The following DAB1 variants were observed in gnomAD, a reference collection of about 807,000 sequenced individuals.
DAB1 encodes the protein DAB adaptor protein 1, also known as disabled homolog 1.
In DAB1, 15 loss-of-function variants were observed where a neutral mutation model predicts 64.6. The ratio of observed to expected loss-of-function variants is 0.23; its 90% CI spans 0.16 to 0.36. The LOEUF (loss-of-function observed/expected upper bound fraction) is 0.36, where lower values mean the gene tolerates loss of function less well. Ranked by LOEUF, DAB1 falls within the 10% of genes least tolerant of loss-of-function variation. The pLI is 1.00. For missense variants in DAB1, 596 were observed against 706.7 expected, an observed-to-expected ratio of 0.84 and a Z score of 1.78; for synonymous variants, 235 against 251.9, an observed-to-expected ratio of 0.93 and a Z score of 0.64.
At chr1:57,701,213 C>A (rs1451722482) in intron 6 of DAB1, among the ~76,000 whole-genome samples, 1 of 151,900 alleles carries the variant, frequency 6.6e-6, no homozygotes, top group Non-Finnish European at 1.5e-5. Context: ...GGTATATACC[C>A]AAAGGATTAT....
intron 2 of DAB1, among the ~76,000 whole-genome samples, chr1:57,197,676 G>A (rs960131733): frequency 1.3e-5 from 2 of 152,142 alleles, no homozygotes; most frequent in Non-Finnish European, 2.9e-5. Context: ...AGAGCACATG[G>A]TTTTACATCC....
intron 3 of DAB1, among the ~76,000 whole-genome samples, chr1:57,141,448 C>T (rs547925607): frequency 6.6e-6 from 1 of 152,220 alleles, no homozygotes; most frequent in African/African-American, 2.4e-5. Flanking sequence ...GGGAGACTTT[C>T]TTATCAATTC....
chr1:57,627,969 G>A (rs1337986808), intron 7 of DAB1, among the ~76,000 whole-genome samples: 2 of 152,152 alleles, frequency 1.3e-5, no homozygotes, highest in East Asian at 3.9e-4. Context: ...ATGGTTTCAG[G>A]CCCAGTTCAA....
At chr1:58,365,381 A>G (rs1375306201) in intron 3 of DAB1, among the ~76,000 whole-genome samples, 1 of 152,232 alleles carries the variant, frequency 6.6e-6, no homozygotes, top group African/African-American at 2.4e-5. Flanking sequence ...TGTGGTCTAC[A>G]GAGAGTCTGG....
chr1:57,232,684 A>G (rs1427713965), intron 2 of DAB1, among the ~76,000 whole-genome samples: 1 of 152,104 alleles, frequency 6.6e-6, no homozygotes, highest in Non-Finnish European at 1.5e-5. Flanking sequence ...AATACACCAG[A>G]TGGCGCCCAT....
At chr1:57,149,932 C>T (rs1659502855) in intron 2 of DAB1, among the ~76,000 whole-genome samples, 1 of 152,122 alleles carries the variant, frequency 6.6e-6, no homozygotes, top group Non-Finnish European at 1.5e-5. Context: ...AAAACCACCA[C>T]TGTTATTATT....
At chr1:58,151,877 AAAG>A (rs1654958087) in intron 4 of DAB1, among the ~76,000 whole-genome samples, 2 of 152,242 alleles carry the variant, frequency 1.3e-5, no homozygotes, top group Non-Finnish European at 2.9e-5. Flanking sequence ...CGGTTGAAGC[AAAG>A]AAGAAAACAA....
At chr1:57,827,579 A>G (rs1284841661) in intron 1 of DAB1, among the ~76,000 whole-genome samples, 4 of 152,232 alleles carry the variant, frequency 2.6e-5, no homozygotes, top group Non-Finnish European at 4.4e-5. Context: ...CAGGAGTGCC[A>G]GGCAATACTT....
chr1:57,301,228 G>T (rs1432904127), intron 1 of DAB1, among the ~76,000 whole-genome samples: 1 of 152,160 alleles, frequency 6.6e-6, no homozygotes, highest in Non-Finnish European at 1.5e-5. Context: ...CCCTGTAAAT[G>T]CTGGAGGTAC....
chr1:57,247,759 T>C (rs1218701279), intron 2 of DAB1, among the ~76,000 whole-genome samples: 1 of 152,216 alleles, frequency 6.6e-6, no homozygotes, highest in African/African-American at 2.4e-5. Flanking sequence ...TGAGTGTAAC[T>C]TTTAGGCTTG....
intron 5 of DAB1, among the ~76,000 whole-genome samples, chr1:58,011,848 G>A (rs1301858041): frequency 6.6e-6 from 1 of 151,914 alleles, no homozygotes. Context: ...CTGCCACCAT[G>A]CCTGGCTAAT....
chr1:57,276,701 T>C (rs955977352), intron 2 of DAB1, among the ~76,000 whole-genome samples: 3 of 152,200 alleles, frequency 2.0e-5, no homozygotes, highest in African/African-American at 7.2e-5. Context: ...AAAGTAACTA[T>C]GGAACTAAAA....
intron 7 of DAB1, among the ~76,000 whole-genome samples, chr1:57,627,240 C>T (rs1315542479): frequency 1.3e-5 from 2 of 152,158 alleles, no homozygotes; most frequent in Non-Finnish European, 2.9e-5. Flanking sequence ...TATTGGCTCC[C>T]CTGGTTCTCA....
intron 5 of DAB1, among the ~76,000 whole-genome samples, chr1:57,997,784 T>A (rs990921236): frequency 6.6e-6 from 1 of 151,994 alleles, no homozygotes; most frequent in Non-Finnish European, 1.5e-5. Context: ...AGTTTCCAGA[T>A]AACAACCTCG....
At chr1:58,104,125 A>G (rs1274234664) in intron 5 of DAB1, among the ~76,000 whole-genome samples, 1 of 152,226 alleles carries the variant, frequency 6.6e-6, no homozygotes. Context: ...CATCACATAC[A>G]TATAGCAGTG....
chr1:58,099,210 T>C (rs1018988110), intron 5 of DAB1, among the ~76,000 whole-genome samples: 4 of 152,180 alleles, frequency 2.6e-5, no homozygotes, highest in East Asian at 1.9e-4. Flanking sequence ...CTCACCCAGG[T>C]TGGGAACCCC....
At chr1:58,428,533 A>T (rs951828313) in intron 3 of DAB1, among the ~76,000 whole-genome samples, 1 of 152,242 alleles carries the variant, frequency 6.6e-6, no homozygotes, top group Non-Finnish European at 1.5e-5. Flanking sequence ...CATCATTTGG[A>T]TCCCAATTCA....
intron 3 of DAB1, among the ~76,000 whole-genome samples, chr1:58,396,143 A>G (rs1336967882): frequency 2.0e-5 from 3 of 150,440 alleles, no homozygotes; most frequent in Non-Finnish European, 3.0e-5. Flanking sequence ...GGAGGGGGGG[A>G]TGGAAATGAG....
chr1:57,510,810 G>C (rs11207045), intron 7 of DAB1, among the ~76,000 whole-genome samples: 1 of 151,756 alleles, frequency 6.6e-6, no homozygotes, highest in African/African-American at 2.4e-5. Flanking sequence ...TCGGGGTCTC[G>C]CTCTGTCACC....
Sources: gnomAD v4.1 joint callset for allele counts (sites outside exome capture counted in the v4.1 genomes callset) on GRCh38, gnomAD v4.1.1 for gene constraint, MANE v1.5 for transcripts, NCBI Gene and HGNC (gene_info 2026-07-23, HGNC 2026-07-21) for gene names.